ADAMTS6: variants seen among roughly 807,000 people sequenced by gnomAD.
ADAMTS6 encodes the protein ADAM metallopeptidase with thrombospondin type 1 motif 6, also known as A disintegrin and metalloproteinase with thrombospondin motifs 6.
ADAMTS6 carries 23 observed loss-of-function variants against 144.3 expected under a neutral mutation model. The observed-to-expected ratio is 0.16, with a 90% confidence interval of 0.11 to 0.23. The LOEUF (loss-of-function observed/expected upper bound fraction) is 0.23. Among genes scored for constraint, ADAMTS6 ranks in the 10% least tolerant of loss-of-function variants. ADAMTS6 has a pLI of 1.00. For synonymous variants in ADAMTS6, 444 were observed against 457.5 expected (o/e 0.97, Z 0.38); for missense variants, 999 against 1,379.6 (o/e 0.72, Z 4.37).
At chr5:65,253,322 A>AT (rs1760346865) in intron 14 of ADAMTS6, among the ~76,000 whole-genome samples, 1 of 152,198 alleles carries the variant, frequency 6.6e-6, no homozygotes, top group South Asian at 2.1e-4. Context: ...ACATTATCTT[A>AT]TTTTTTTGAG....
intron 12 of ADAMTS6, 130 bp from the exon 13 acceptor site, chr5:65,263,092 GTTCT>G: frequency 1.1e-5 from 13 of 1,158,116 alleles, no homozygotes; most frequent in East Asian, 2.6e-5. Context: ...CAGACAGATA[GTTCT>G]CTAACTGTGT....
At chr5:65,199,408 C>T (rs1755594370) in intron 20 of ADAMTS6, among the ~76,000 whole-genome samples, 1 of 152,114 alleles carries the variant, frequency 6.6e-6, no homozygotes, top group Admixed American at 6.5e-5. Flanking sequence ...ATTGCAAAAG[C>T]AGGGCCTCTG....
At chr5:65,197,173 T>C in intron 20 of ADAMTS6, 22 bp from the exon 21 acceptor site, 1 of 1,611,600 alleles carries the variant, frequency 6.2e-7, no homozygotes, top group Non-Finnish European at 8.5e-7. Context: ...GAGGACATCA[T>C]TAATTGAAGA....
intron 24 of ADAMTS6, among the ~76,000 whole-genome samples, chr5:65,159,982 TC>T (rs1217201625): frequency 6.6e-6 from 1 of 152,260 alleles, no homozygotes; most frequent in Non-Finnish European, 1.5e-5. Context: ...TAAAATTCTT[TC>T]AGCTTTGCTG....
chr5:65,205,805 C>A (rs755263356), intron 20 of ADAMTS6, among the ~76,000 whole-genome samples: 27 of 152,288 alleles, frequency 1.8e-4, no homozygotes, highest in Admixed American at 5.9e-4. Context: ...TTCTTTCCTT[C>A]ATTTCTTTTT....
intron 9 of ADAMTS6, among the ~76,000 whole-genome samples, chr5:65,305,813 GAC>G (rs746422686): frequency 6.6e-6 from 1 of 151,104 alleles, no homozygotes; most frequent in East Asian, 1.9e-4. Flanking sequence ...TGCACACATG[GAC>G]ACACACACAC....
At chr5:65,345,807 C>A (rs77659707) in intron 7 of ADAMTS6, among the ~76,000 whole-genome samples, 5,445 of 151,808 alleles carry the variant, frequency 0.036, 166 homozygotes, top group African/African-American at 0.083. Flanking sequence ...TCAGTTCTGA[C>A]CCTATTTACA....
chr5:65,177,245 T>C (rs1754037165), intron 22 of ADAMTS6, among the ~76,000 whole-genome samples: 1 of 152,196 alleles, frequency 6.6e-6, no homozygotes, highest in Non-Finnish European at 1.5e-5. Flanking sequence ...GGGAAAACCT[T>C]ATCAAACTAA....
chr5:65,337,845 T>A (rs1747450289), intron 7 of ADAMTS6, among the ~76,000 whole-genome samples: 1 of 152,278 alleles, frequency 6.6e-6, no homozygotes, highest in East Asian at 1.9e-4. Context: ...CAAAGAAAAA[T>A]AATGCAAGGA....
intron 21 of ADAMTS6, among the ~76,000 whole-genome samples, chr5:65,191,280 T>C (rs570627951): frequency 1.5e-4 from 23 of 152,126 alleles, no homozygotes; most frequent in Non-Finnish European, 2.6e-4. Flanking sequence ...CGATCTCTTA[T>C]TATTACAAAA....
At chr5:65,275,975 G>A (rs1460249137) in intron 11 of ADAMTS6, among the ~76,000 whole-genome samples, 1 of 151,954 alleles carries the variant, frequency 6.6e-6, no homozygotes, top group Non-Finnish European at 1.5e-5. Flanking sequence ...TTTAGACAAA[G>A]GTAAAAGAAG....
intron 24 of ADAMTS6, among the ~76,000 whole-genome samples, chr5:65,160,996 G>A (rs1405598750): frequency 6.7e-6 from 1 of 150,144 alleles, no homozygotes; most frequent in Non-Finnish European, 1.5e-5. Context: ...AACAGACCAC[G>A]TTTGCATTAT....
At chr5:65,306,168 G>A (rs1160167287) in intron 9 of ADAMTS6, among the ~76,000 whole-genome samples, 1 of 152,176 alleles carries the variant, frequency 6.6e-6, no homozygotes, top group African/African-American at 2.4e-5. Flanking sequence ...GATGCTTGCT[G>A]TACTGTAATA....
intron 10 of ADAMTS6, among the ~76,000 whole-genome samples, chr5:65,294,569 C>A (rs1189643016): frequency 6.6e-6 from 1 of 152,224 alleles, no homozygotes; most frequent in Non-Finnish European, 1.5e-5. Flanking sequence ...CTATGTTAAC[C>A]AAAATTTGTC....
chr5:65,171,134 C>T (rs894144045), intron 23 of ADAMTS6, among the ~76,000 whole-genome samples: 18 of 152,116 alleles, frequency 1.2e-4, no homozygotes, highest in African/African-American at 2.7e-4. Context: ...CTCAGCCTCC[C>T]GAGTAGCTGG....
intron 7 of ADAMTS6, among the ~76,000 whole-genome samples, chr5:65,400,315 ATCC>A (rs760921122): frequency 6.6e-6 from 1 of 152,056 alleles, no homozygotes; most frequent in Non-Finnish European, 1.5e-5. Context: ...AGCTCAAGCA[ATCC>A]TCCTACCTTT....
chr5:65,182,267 C>G (rs934510050), intron 22 of ADAMTS6, among the ~76,000 whole-genome samples: 3 of 151,576 alleles, frequency 2.0e-5, no homozygotes, highest in Non-Finnish European at 2.9e-5. Context: ...GCCAACATAG[C>G]AAAACCCTGT....
intron 7 of ADAMTS6, among the ~76,000 whole-genome samples, chr5:65,395,934 A>G (rs562677443): frequency 6.6e-6 from 1 of 152,348 alleles, no homozygotes; most frequent in African/African-American, 2.4e-5. Context: ...GAAAACACTA[A>G]GTAGGGTTGG....
rs144681353 is a variant in ADAMTS6, at chr5:65,329,504, A to G, written c.1118-21T>C. On this transcript the variant is annotated intron_variant, in intron 8 of 24. Transcript: ENST00000381055. The stretch of plus-strand genomic sequence containing the variant: ...CAAGCCTGAATAAACAGAAAGAGAC[A>G]CAAAGGGTCAAGCCAAGGTGTTTCA... 1.1e-3 allele frequency: 1,817 copies of G among 1,594,138 alleles called. 22 individuals are homozygous for G. In the African/African-American group the frequency reaches 0.022, roughly 19 times the overall value.
Sources: allele counts gnomAD v4.1 joint callset (sites outside exome capture counted in the v4.1 genomes callset), GRCh38; gene constraint gnomAD v4.1.1; transcripts MANE v1.5; gene names NCBI Gene and HGNC (gene_info 2026-07-23, HGNC 2026-07-21).